The following ELMOD1 variants were observed in gnomAD, a reference collection of about 807,000 sequenced individuals.
ELMOD1 encodes ELMO domain-containing protein 1.
A neutral mutation model predicts 46.7 loss-of-function variants in ELMOD1; 21 were observed. That is an observed-to-expected ratio of 0.45 (90% CI 0.32 to 0.65). ELMOD1 has a LOEUF of 0.65. Among genes scored for constraint, ELMOD1 ranks in the 30% least tolerant of loss-of-function variants. ELMOD1 has a pLI of 0.04. For synonymous variants in ELMOD1, 122 were observed against 138.2 expected (o/e 0.88, Z 0.82); for missense variants, 348 against 407.8 (o/e 0.85, Z 1.26).
intron 7 of ELMOD1, among the ~76,000 whole-genome samples, chr11:107,650,107 T>C (rs1266349904): frequency 6.6e-6 from 1 of 152,212 alleles, no homozygotes; most frequent in African/African-American, 2.4e-5. Flanking sequence ...CAAAATCTAC[T>C]GGATACATTC....
At chr11:107,601,783 CAACA>C (rs1021896119) in intron 1 of ELMOD1, among the ~76,000 whole-genome samples, 6 of 152,056 alleles carry the variant, frequency 3.9e-5, no homozygotes, top group African/African-American at 1.4e-4. Context: ...ATCCCCAAAC[CAACA>C]GAGTTGTGAA....
In ELMOD1 at chr11:107,635,781, C is replaced by T. The variant is rs761927187; in HGVS notation, c.420+16C>T. The T allele has an allele frequency of 1.0e-5, 16 of 1,606,244 alleles. No individual in the cohort carries two copies. The Admixed American group carries it at 1.9e-4, about 19-fold the overall frequency. On this transcript the variant is annotated intron_variant, in intron 6 of 11. Coordinates refer to ENST00000265840, the MANE Select transcript of ELMOD1 (RefSeq NM_018712.4). ...GCTTTTGAAGGTTAGTGCTTGAACA[C>T]ATTTCGGTTCTTCCTCTAAGTCAGC... is the stretch of plus-strand genomic sequence containing the variant.
At chr11:107,655,849 T>C in intron 10 of ELMOD1, 84 bp from the exon 11 acceptor site, 1 of 1,420,834 alleles carries the variant, frequency 7.0e-7, no homozygotes, top group Non-Finnish European at 9.5e-7. Context: ...GTGGCACTGG[T>C]AGGAGTGTCT....
chr11:107,621,467 C>T (rs980830767), intron 2 of ELMOD1, among the ~76,000 whole-genome samples: 2 of 152,192 alleles, frequency 1.3e-5, no homozygotes, highest in Non-Finnish European at 2.9e-5. Flanking sequence ...TATCTTGGTC[C>T]ACTAAGTCAT....
intron 6 of ELMOD1, among the ~76,000 whole-genome samples, chr11:107,646,287 AATGT>A (rs1866425318): frequency 6.6e-6 from 1 of 152,240 alleles, no homozygotes; most frequent in African/African-American, 2.4e-5. Flanking sequence ...ATTGTGCAGT[AATGT>A]ATTAATAAAA....
intron 1 of ELMOD1, chr11:107,600,438 C>T (rs139224377): frequency 6.6e-6 from 1 of 152,132 alleles, no homozygotes; most frequent in East Asian, 1.9e-4. Flanking sequence ...GATGCTAACA[C>T]GTCATATCAC....
At chr11:107,609,464 A>T (rs555287509) in intron 1 of ELMOD1, among the ~76,000 whole-genome samples, 1 of 152,296 alleles carries the variant, frequency 6.6e-6, no homozygotes, top group South Asian at 2.1e-4. Context: ...TCATCTAGGG[A>T]TTTCAAGATT....
Position 107,659,452 on chromosome 11 carries a change from A to G in ELMOD1, c.832+3386A>G, listed in dbSNP as rs1402811861. 3.3e-5 allele frequency among the ~76,000 whole-genome samples: 5 copies of G among 152,094 alleles called. No individual in the cohort carries two copies. In the East Asian group the frequency reaches 9.7e-4, roughly 29 times the overall value. The stretch of plus-strand genomic sequence containing the variant: ...GGGCTCTGGAGTGCTGAAGGATTAG[A>G]AAGGCTCTAGCTACAGATTTGTGGT... On this transcript the variant is annotated intron_variant, in intron 11 of 11. Transcript: ENST00000265840.
At chr11:107,641,440 A>G (rs1033517422) in intron 6 of ELMOD1, among the ~76,000 whole-genome samples, 3 of 152,236 alleles carry the variant, frequency 2.0e-5, no homozygotes, top group African/African-American at 7.2e-5. Flanking sequence ...CATTTTTCCT[A>G]TAGTGTAATG....
intron 11 of ELMOD1, among the ~76,000 whole-genome samples, chr11:107,658,070 G>A (rs185794859): frequency 3.9e-5 from 6 of 152,224 alleles, no homozygotes; most frequent in Admixed American, 2.0e-4. Flanking sequence ...GTGAGTGAGC[G>A]GGAGCTAAAT....
At chr11:107,625,867 C>T (rs1866031969) in intron 2 of ELMOD1, among the ~76,000 whole-genome samples, 1 of 152,162 alleles carries the variant, frequency 6.6e-6, no homozygotes, top group Non-Finnish European at 1.5e-5. Flanking sequence ...TGTGTAGTAG[C>T]TCTTATTATT....
At chr11:107,660,944 G>A (rs943429471) in intron 11 of ELMOD1, among the ~76,000 whole-genome samples, 15 of 152,148 alleles carry the variant, frequency 9.9e-5, no homozygotes, top group African/African-American at 3.6e-4. Context: ...TACTGTGTCT[G>A]TTTCATATTT....
intron 2 of ELMOD1, among the ~76,000 whole-genome samples, chr11:107,621,548 TTAAG>T (rs1231952732): frequency 2.0e-4 from 31 of 152,178 alleles, no homozygotes; most frequent in Non-Finnish European, 4.1e-4. Flanking sequence ...GCAAATGTAA[TTAAG>T]TAAGACATAA....
intron 2 of ELMOD1, among the ~76,000 whole-genome samples, chr11:107,620,868 C>CA (rs1416078974): frequency 1.2e-4 from 18 of 150,504 alleles, no homozygotes; most frequent in Admixed American, 4.6e-4. Flanking sequence ...GTCTCAAAAA[C>CA]AAAAAAAAGA....
chr11:107,644,199 G>A (rs1054466706), intron 6 of ELMOD1, among the ~76,000 whole-genome samples: 6 of 151,826 alleles, frequency 4.0e-5, no homozygotes, highest in Non-Finnish European at 8.8e-5. Context: ...GGGAGGCTGA[G>A]GCACAAGAAT....
chr11:107,610,365 A>C (rs907817356), intron 1 of ELMOD1, among the ~76,000 whole-genome samples: 1 of 152,176 alleles, frequency 6.6e-6, no homozygotes, highest in Non-Finnish European at 1.5e-5. Context: ...GCTGAATTAC[A>C]CAAATAAAAC....
chr11:107,591,880 G>T lies in ELMOD1; in HGVS notation c.-86+471G>T, dbSNP rs771701017. 1.0e-5 allele frequency: 5 copies of T among 488,386 alleles called. No individual in the cohort carries two copies. In the East Asian group the frequency reaches 2.5e-4, roughly 25 times the overall value. 30.3% of individuals were successfully genotyped at this position (488,386 alleles called of 1,614,324 possible). The stretch of plus-strand genomic sequence containing the variant: ...TAGGCAGCCGGGCTGCGGGGCCGCC[G>T]GACTGTGGGGTCCTCCGCGCAGCGA... On this transcript the variant is annotated intron_variant, in intron 1 of 11. Transcript: ENST00000265840.
intron 11 of ELMOD1, 123 bp from the exon 12 acceptor site, chr11:107,664,902 T>G: frequency 1.2e-6 from 1 of 866,148 alleles, no homozygotes; most frequent in East Asian, 2.5e-5. Context: ...TTTTGAGGTC[T>G]TCTTTGAGCT....
At chr11:107,596,969 A>G (rs1865501840) in intron 1 of ELMOD1, among the ~76,000 whole-genome samples, 2 of 152,200 alleles carry the variant, frequency 1.3e-5, no homozygotes, top group African/African-American at 4.8e-5. Context: ...AATATTGAGT[A>G]ATCTTTATGG....
Sources: allele counts gnomAD v4.1 joint callset (sites outside exome capture counted in the v4.1 genomes callset), GRCh38; gene constraint gnomAD v4.1.1; transcripts MANE v1.5; gene names NCBI Gene and HGNC (gene_info 2026-07-23, HGNC 2026-07-21).